Variants in TAFAZZIN observed in about 807,000 individuals in gnomAD.
TAFAZZIN encodes the protein tafazzin, phospholipid-lysophospholipid transacylase.
TAFAZZIN carries 6 observed loss-of-function variants against 27.3 expected under a neutral mutation model. The ratio of observed to expected loss-of-function variants is 0.22; its 90% CI spans 0.12 to 0.43. The LOEUF is 0.43. Among genes scored for constraint, TAFAZZIN ranks in the 20% least tolerant of loss-of-function variants. The pLI is 1.00. For synonymous variants in TAFAZZIN, 79 were observed against 96.2 expected (o/e 0.82, Z 1.04); for missense variants, 127 against 244.5 (o/e 0.52, Z 3.21).
intron 5 of TAFAZZIN, among the ~76,000 whole-genome samples, chrX:154,417,917 G>T (rs782138097): frequency 8.9e-6 from 1 of 111,763 alleles, no homozygotes; most frequent in South Asian, 3.7e-4. Flanking sequence ...TAAGGCAAAG[G>T]CAGTATTTGG....
In TAFAZZIN at chrX:154,411,586, G is replaced by T. The variant is rs1557190426; in HGVS notation, c.-258G>T. The stretch of plus-strand genomic sequence containing the variant: ...CCGGGGTGCCAGCGCCCGCCTTCCC[G>T]TTTCCTCCCGTTCCGCAGCGCGCCC... On this transcript the variant is annotated 5_prime_UTR_variant, in exon 1 of 11. Coordinates refer to ENST00000601016, the MANE Select transcript of TAFAZZIN (RefSeq NM_000116.5). 1.2e-5 allele frequency: 5 copies of T among 419,585 alleles called. No individual in the cohort carries two copies. The highest frequency in any genetic ancestry group is 5.5e-5 in the East Asian group (1 of 18,109). The allele number at this position is 419,585 out of a possible 1,213,427, so 34.6% of individuals were successfully genotyped here.
chrX:154,416,227 G>A (rs782555504), intron 5 of TAFAZZIN, among the ~76,000 whole-genome samples: 33 of 111,776 alleles, frequency 3.0e-4, no homozygotes, highest in African/African-American at 9.7e-4. Flanking sequence ...ATGAAACCCC[G>A]TCTCTACTAA....
At chrX:154,420,174 T>C (rs782238800) in intron 8 of TAFAZZIN, 38 bp from the exon 9 acceptor site, 2 of 1,210,905 alleles carry the variant, frequency 1.7e-6, no homozygotes, top group Non-Finnish European at 2.2e-6. Flanking sequence ...GCTGCCCTGC[T>C]CCACCCCACG....
intron 5 of TAFAZZIN, among the ~76,000 whole-genome samples, chrX:154,416,642 G>A (rs2068498127): frequency 9.0e-6 from 1 of 111,361 alleles, no homozygotes; most frequent in Non-Finnish European, 1.9e-5. Flanking sequence ...AAGTGTAGGT[G>A]GGGTGAGGAA....
At chrX:154,420,868 G>A (rs1463368397) in intron 10 of TAFAZZIN, 35 bp from the exon 11 acceptor site, 5 of 1,196,976 alleles carry the variant, frequency 4.2e-6, no homozygotes, top group Middle Eastern at 2.4e-4. Context: ...CAAGCTTCCC[G>A]AGGGGTGCAG....
At chrX:154,414,253 A>T (rs1475300479) in intron 5 of TAFAZZIN, 63 bp downstream of exon 5, 1 of 986,784 alleles carries the variant, frequency 1.0e-6, no homozygotes, top group African/African-American at 1.9e-5. Context: ...AGGTGAGAGG[A>T]TCACTCAAGC....
chrX:154,420,920 C>A lies in TAFAZZIN; in HGVS notation c.795C>A (p.Ala265=), dbSNP rs1244180977. 1 of 1,211,069 alleles carries A rather than the reference C, an allele frequency of 8.3e-7. No individual in the cohort carries two copies. The highest frequency in any genetic ancestry group is 1.1e-6 in the Non-Finnish European group (1 of 895,161). The change falls in exon 11 of 11, where the codon GCC becomes GCA. Residue 265 remains alanine (A), a synonymous_variant. Transcript: ENST00000601016. ...ENKSAVEMRK[A]LTDFIQEEFQ... is the part of the protein sequence containing the mutation. Reference sequence around the variant, plus strand: ...TCCCTCAGGTGGAGATGCGGAAAGCCCTGACGGACTTCATTCAAGAGGAAT... The same window carrying A: ...TCCCTCAGGTGGAGATGCGGAAAGCACTGACGGACTTCATTCAAGAGGAAT...
At chrX:154,416,693 G>A (rs782663354) in intron 5 of TAFAZZIN, among the ~76,000 whole-genome samples, 49 of 111,731 alleles carry the variant, frequency 4.4e-4, no homozygotes, top group African/African-American at 1.4e-3. Context: ...GCTGAGCCAC[G>A]GGGAGAAGGG....
In TAFAZZIN at chrX:154,411,673, G is replaced by C. The variant is rs782435972; in HGVS notation, c.-171G>C. On this transcript the variant is annotated 5_prime_UTR_variant, in exon 1 of 11. Transcript: ENST00000601016. ...AGAGAGCGGGGCCGGGCGCTGCTCC[G>C]GCCTGACCTGCGAAGGGACCTCGGT... 4 of 512,091 alleles carry C rather than the reference G, an allele frequency of 7.8e-6. No homozygotes were observed. In the South Asian group the frequency reaches 1.0e-4, roughly 13 times the overall value. 42.2% of individuals were successfully genotyped at this position (512,091 alleles called of 1,213,427 possible).
At position 154,411,837 on chromosome X, in the gene TAFAZZIN, G is replaced by A. The variant is rs1557190750; in HGVS notation, c.-7G>A. The A allele has an allele frequency of 2.5e-6, 3 of 1,182,459 alleles. No homozygotes were observed. The highest frequency in any genetic ancestry group is 3.6e-5 in the South Asian group (2 of 54,833). On this transcript the variant is annotated 5_prime_UTR_variant, in exon 1 of 11. Transcript: ENST00000601016. Reference sequence around the variant, plus strand: ...CGCTGGGAGCGCCGGCCGCGGGCCGGGTGGGGATGCCTCTGCACGTGAAGT... The same window carrying A: ...CGCTGGGAGCGCCGGCCGCGGGCCGAGTGGGGATGCCTCTGCACGTGAAGT...
At chrX:154,416,495 T>G (rs1557193023) in intron 5 of TAFAZZIN, among the ~76,000 whole-genome samples, 1 of 110,298 alleles carries the variant, frequency 9.1e-6, no homozygotes, top group Non-Finnish European at 1.9e-5. Flanking sequence ...CAGGGCTAGG[T>G]GGACATGAGG....
At chrX:154,412,753 C>A in intron 2 of TAFAZZIN, 1 of 205,536 alleles carries the variant, frequency 4.9e-6, no homozygotes, top group Non-Finnish European at 9.0e-6. Flanking sequence ...GGCTTCCACT[C>A]CTGAACAGAG....
Position 154,411,709 on chromosome X carries a change from G to T in TAFAZZIN, c.-135G>T, listed in dbSNP as rs1557190550. ...CGAAGGGACCTCGGTCCAGTCCCCT[G>T]TTGCGCCGCGCCCCCGTCCGTCCGT... is the stretch of plus-strand genomic sequence containing the variant. On this transcript the variant is annotated 5_prime_UTR_variant, in exon 1 of 11. Coordinates refer to ENST00000601016, the MANE Select transcript of TAFAZZIN (RefSeq NM_000116.5). The T allele has an allele frequency of 5.0e-6, 3 of 595,981 alleles. No individual in the cohort carries two copies. The highest frequency in any genetic ancestry group is 5.3e-6 in the Non-Finnish European group (2 of 379,184). 49.1% of individuals were successfully genotyped at this position (595,981 alleles called of 1,213,427 possible). A position where few individuals can be genotyped will look rare whatever the true frequency, so the allele number is the denominator to read the frequency against.
In TAFAZZIN at chrX:154,414,195, G is replaced by A. The variant is rs1325571965; in HGVS notation, c.460+5G>A. The A allele has an allele frequency of 1.7e-6, 2 of 1,197,315 alleles. No homozygotes were observed. Among genetic ancestry groups the A allele is most frequent in the Non-Finnish European group, 2.3e-6 (2 of 885,782 alleles). On this transcript the variant is annotated splice_donor_5th_base_variant and intron_variant, in intron 5 of 10. Transcript: ENST00000601016. Reference sequence around the variant, plus strand: ...CTGGAAAAAGAAGAGAGAAAGGTAAGCCAGGCATAGCGGTTCACACTTGTC... The same window carrying A: ...CTGGAAAAAGAAGAGAGAAAGGTAAACCAGGCATAGCGGTTCACACTTGTC...
At chrX:154,412,976 T>A (rs2068361118) in intron 2 of TAFAZZIN, 4 of 456,008 alleles carry the variant, frequency 8.8e-6, no homozygotes, top group Non-Finnish European at 1.5e-5. Context: ...ATTGTCCAAG[T>A]ATGTTGGGGA....
At chrX:154,419,677 A>C in intron 6 of TAFAZZIN, 28 bp from the exon 7 acceptor site, 1 of 1,212,302 alleles carries the variant, frequency 8.2e-7, no homozygotes, top group Non-Finnish European at 1.1e-6. Flanking sequence ...ATGGGCTCCC[A>C]AGCCTCGCCT....
rs1046945823 is a variant in TAFAZZIN, at chrX:154,421,524, C to T, written c.*520C>T. 9 of 329,541 alleles carry T rather than the reference C, an allele frequency of 2.7e-5. 1 individual carries two copies. Among genetic ancestry groups the T allele is most frequent in the Admixed American group, 1.9e-4 (6 of 32,192 alleles). 27.2% of individuals were successfully genotyped at this position (329,541 alleles called of 1,213,427 possible). ...GGTCTGGCCTCAGGTGGGCCGCAGGCGGGAAAAGCAGCCCTTGGCCAGAAG... is the reference window on the plus strand; with the variant it reads ...GGTCTGGCCTCAGGTGGGCCGCAGGTGGGAAAAGCAGCCCTTGGCCAGAAG... On this transcript the variant is annotated 3_prime_UTR_variant, in exon 11 of 11. Coordinates refer to ENST00000601016, the MANE Select transcript of TAFAZZIN (RefSeq NM_000116.5).
chrX:154,420,418 A>C (rs1557194278), intron 9 of TAFAZZIN, among the ~76,000 whole-genome samples, 154 bp downstream of exon 9: 1 of 110,806 alleles, frequency 9.0e-6, no homozygotes, highest in African/African-American at 3.3e-5. Flanking sequence ...CCTGGCACCG[A>C]GACATTAAAA....
intron 2 of TAFAZZIN, chrX:154,412,724 C>T (rs1033098515): frequency 2.4e-4 from 44 of 184,950 alleles, no homozygotes; most frequent in African/African-American, 1.3e-3. Flanking sequence ...ACCAGATGGC[C>T]GGGTGGAGGG....
Sources: gnomAD v4.1 joint callset for allele counts (sites outside exome capture counted in the v4.1 genomes callset) on GRCh38, gnomAD v4.1.1 for gene constraint, MANE v1.5 for transcripts, NCBI Gene and HGNC (gene_info 2026-07-23, HGNC 2026-07-21) for gene names.